Variants in CSMD3 observed in about 807,000 individuals in gnomAD.
CSMD3 encodes CUB and Sushi multiple domains 3.
A neutral mutation model predicts 435.2 loss-of-function variants in CSMD3; 177 were observed. The observed-to-expected ratio is 0.41, with a 90% CI of 0.36 to 0.46. The LOEUF is 0.46. Ranked by LOEUF, CSMD3 falls within the 20% of genes least tolerant of loss-of-function variation. The probability of loss-of-function intolerance (pLI) is 0.34; values close to 1 mark genes in which losing one functional copy is unlikely to be tolerated. For missense variants in CSMD3, 4,265 were observed against 4,504.6 expected (o/e 0.95, Z 1.52); for synonymous variants, 1,656 against 1,520.5 (o/e 1.09, Z -2.07).
chr8:112,289,268 T>C, intron 57 of CSMD3, 97 bp downstream of exon 57: 2 of 1,018,206 alleles, frequency 2.0e-6, no homozygotes. Context: ...GAGAAATATA[T>C]TTTAAGTCTT....
intron 22 of CSMD3, among the ~76,000 whole-genome samples, chr8:112,604,151 G>A (rs1256286860): frequency 6.6e-6 from 1 of 151,966 alleles, no homozygotes; most frequent in Admixed American, 6.6e-5. Context: ...GAAGGTAGAG[G>A]GGCAAGGGAG....
chr8:113,192,694 T>C (rs1210916247), intron 3 of CSMD3, among the ~76,000 whole-genome samples: 2 of 151,752 alleles, frequency 1.3e-5, no homozygotes, highest in East Asian at 3.9e-4. Flanking sequence ...GAGCTTTCTT[T>C]TGTTCTTATT....
At chr8:112,992,208 T>C (rs1013556932) in intron 6 of CSMD3, among the ~76,000 whole-genome samples, 1 of 151,768 alleles carries the variant, frequency 6.6e-6, no homozygotes. Flanking sequence ...CTTTCTTTTT[T>C]GCTTGCTCTC....
At chr8:112,437,894 C>T (rs1814552379) in intron 32 of CSMD3, among the ~76,000 whole-genome samples, 1 of 152,044 alleles carries the variant, frequency 6.6e-6, no homozygotes, top group Non-Finnish European at 1.5e-5. Flanking sequence ...ATGTCTCTCT[C>T]CTTTCCCTCC....
intron 11 of CSMD3, among the ~76,000 whole-genome samples, chr8:112,832,011 G>T (rs969011802): frequency 6.6e-6 from 1 of 152,006 alleles, no homozygotes. Context: ...CAGCTTCCTT[G>T]TTAGATTATT....
intron 10 of CSMD3, among the ~76,000 whole-genome samples, chr8:112,893,415 C>A (rs2130352746): frequency 6.6e-6 from 1 of 151,534 alleles, no homozygotes; most frequent in South Asian, 2.1e-4. Flanking sequence ...CAATTCCCAA[C>A]AATAATGCAA....
chr8:113,386,441 A>G (rs747054519), intron 1 of CSMD3, among the ~76,000 whole-genome samples: 83 of 151,972 alleles, frequency 5.5e-4, no homozygotes, highest in Admixed American at 9.9e-4. Flanking sequence ...AAGACAATTT[A>G]GATCACTACA....
Position 112,666,346 on chromosome 8 carries a change from T to G in CSMD3, c.2747A>C (p.Lys916Thr), listed in dbSNP as rs1450464690. 7.4e-6 allele frequency: 12 copies of G among 1,612,660 alleles called. No homozygotes were observed. The highest frequency in any genetic ancestry group is 1.0e-5 in the Non-Finnish European group (12 of 1,179,194). ...ILSPGWPGYY[K>T]DSLNCEWVIE... ...CACCCACTCACAATTCAAAGAGTCT[T>G]TGTAGTATCCTGGCCATCCTGGTGA... The change falls in exon 17 of 71, where the codon AAA (lysine) becomes ACA (threonine). Residue 916 changes from lysine to threonine, a missense_variant. Lys to Thr is a moderately conservative substitution (Grantham distance 78, BLOSUM62 -1). This residue lies in a region of CSMD3 where 279 missense variants were observed against 369.0 expected (regional missense o/e 0.76). Transcript: ENST00000297405.
intron 36 of CSMD3, among the ~76,000 whole-genome samples, chr8:112,388,172 T>G (rs1317211502): frequency 6.6e-6 from 1 of 152,156 alleles, no homozygotes; most frequent in Non-Finnish European, 1.5e-5. Context: ...GCTAGGTTTT[T>G]ATAAGGAGCT....
intron 32 of CSMD3, among the ~76,000 whole-genome samples, chr8:112,431,546 G>A (rs1348506824): frequency 6.6e-6 from 1 of 152,206 alleles, no homozygotes; most frequent in Non-Finnish European, 1.5e-5. Flanking sequence ...GGTATGGTGC[G>A]TGTCTACTGT....
intron 32 of CSMD3, among the ~76,000 whole-genome samples, chr8:112,451,758 G>A (rs752249661): frequency 1.3e-5 from 2 of 152,064 alleles, no homozygotes; most frequent in East Asian, 3.9e-4. Context: ...GGCTGGTCTC[G>A]AACTCCTGAC....
chr8:112,922,776 G>T (rs1161763433), intron 9 of CSMD3, among the ~76,000 whole-genome samples: 1 of 151,968 alleles, frequency 6.6e-6, no homozygotes, highest in African/African-American at 2.4e-5. Flanking sequence ...CACTCATTGT[G>T]ACACCTGATC....
intron 66 of CSMD3, among the ~76,000 whole-genome samples, chr8:112,237,699 T>C (rs1813715472): frequency 6.6e-6 from 1 of 152,102 alleles, no homozygotes; most frequent in African/African-American, 2.4e-5. Context: ...CACAGCACCA[T>C]GGCAGTAAAA....
Position 113,283,556 on chromosome 8 carries a change from C to T in CSMD3, c.402-4852G>A, listed in dbSNP as rs112391676. On this transcript the variant is annotated intron_variant, in intron 2 of 70. Coordinates refer to ENST00000297405, the MANE Select transcript of CSMD3 (RefSeq NM_198123.2). ...ACCACCTTACTCCTGCAAGAATGGC[C>T]GTAATCAAAAAATCAAAAAACCTTA... Among the ~76,000 whole-genome samples the T allele has an allele frequency of 3.6e-3, 545 of 151,972 alleles. 2 individuals are homozygous for T. Among genetic ancestry groups the T allele is most frequent in the African/African-American group, 0.012 (504 of 41,486 alleles).
At chr8:112,703,292 G>T (rs2131885475) in intron 13 of CSMD3, among the ~76,000 whole-genome samples, 1 of 152,218 alleles carries the variant, frequency 6.6e-6, no homozygotes, top group East Asian at 1.9e-4. Context: ...AAAGAAATCA[G>T]AAGCAGGGGA....
intron 1 of CSMD3, chr8:113,376,784 C>G: frequency 6.2e-7 from 1 of 1,613,930 alleles, no homozygotes; most frequent in Non-Finnish European, 8.5e-7. Context: ...AGCAAAGGAA[C>G]CAACTCCACA....
At chr8:112,969,357 C>G (rs143293119) in intron 7 of CSMD3, among the ~76,000 whole-genome samples, 1 of 151,962 alleles carries the variant, frequency 6.6e-6, no homozygotes, top group African/African-American at 2.4e-5. Flanking sequence ...TACCTTAAAC[C>G]TAAGAATAAT....
chr8:112,341,492 G>A lies in CSMD3; in HGVS notation c.6637C>T (p.His2213Tyr), dbSNP rs2130990811. The change falls in exon 42 of 71, where the codon CAT becomes TAT. Residue 2213 changes from histidine to tyrosine, a missense_variant. His to Tyr is a moderately conservative substitution (Grantham distance 83). Around this residue, in one of 3 missense-constraint regions of CSMD3, gnomAD observed 3,255 missense variants for 3,380.2 expected, o/e 0.96. Coordinates refer to ENST00000297405, the MANE Select transcript of CSMD3 (RefSeq NM_198123.2). ...TTTCTCTTACCTTGGTATACAATAT[G>A]AAACCCTTGTTTGTTTTGTGAATAG... is the stretch of plus-strand genomic sequence containing the variant. ...SDYSQNKQGFHIVYQAYQLQS... is the reference protein window; with the variant it reads ...SDYSQNKQGFYIVYQAYQLQS... 1 of 1,606,740 alleles carries A rather than the reference G, an allele frequency of 6.2e-7. No individual in the cohort carries two copies. The highest frequency in any genetic ancestry group is 8.5e-7 in the Non-Finnish European group (1 of 1,173,850).
intron 3 of CSMD3, among the ~76,000 whole-genome samples, chr8:113,242,975 T>C (rs1381199622): frequency 1.3e-5 from 2 of 152,000 alleles, no homozygotes; most frequent in African/African-American, 4.8e-5. Context: ...TTTAAAGTTA[T>C]GATACTCTAG....
Sources: allele counts gnomAD v4.1 joint callset (sites outside exome capture counted in the v4.1 genomes callset), GRCh38; gene constraint gnomAD v4.1.1; regional missense constraint gnomAD v4.1.1; transcripts MANE v1.5; gene names NCBI Gene and HGNC (gene_info 2026-07-23, HGNC 2026-07-21).